TSHZ2: variants seen among roughly 807,000 people sequenced by gnomAD.
The protein encoded by TSHZ2 is teashirt homolog 2.
Under a neutral mutation model 74.4 loss-of-function variants are expected in TSHZ2, and 21 were observed. The ratio of observed to expected loss-of-function variants is 0.28; its 90% CI spans 0.20 to 0.41. The LOEUF (loss-of-function observed/expected upper bound fraction) is 0.41, where lower values mean the gene tolerates loss of function less well. TSHZ2 is among the 10% of genes least tolerant of loss of function. The pLI is 1.00. For synonymous variants in TSHZ2, 540 were observed against 515.3 expected, an observed-to-expected ratio of 1.05 and a Z score of -0.65; for missense variants, 1,244 against 1,293.5, an observed-to-expected ratio of 0.96 and a Z score of 0.59.
intron 2 of TSHZ2, among the ~76,000 whole-genome samples, chr20:53,328,122 C>T (rs200641): frequency 0.31 from 47,090 of 152,030 alleles, 8,581 homozygotes; most frequent in Non-Finnish European, 0.4. Context: ...CAATGGTGCT[C>T]ACCCTTAGAG....
chr20:53,186,311 C>T (rs148327363), intron 1 of TSHZ2, among the ~76,000 whole-genome samples: 1 of 152,294 alleles, frequency 6.6e-6, no homozygotes, highest in East Asian at 1.9e-4. Flanking sequence ...GATTTACCAG[C>T]TCACCAGTGG....
At chr20:53,189,157 T>C (rs187694643) in intron 1 of TSHZ2, among the ~76,000 whole-genome samples, 2 of 152,356 alleles carry the variant, frequency 1.3e-5, no homozygotes, top group Admixed American at 1.3e-4. Context: ...AAATTCAGAA[T>C]CTAGCAGAGT....
At chr20:53,409,048 C>A (rs1982948654) in intron 2 of TSHZ2, among the ~76,000 whole-genome samples, 1 of 152,158 alleles carries the variant, frequency 6.6e-6, no homozygotes. Flanking sequence ...ATCATCTGTA[C>A]ACTTACAACA....
At chr20:53,278,042 A>G (rs1357834611) in intron 2 of TSHZ2, among the ~76,000 whole-genome samples, 2 of 152,304 alleles carry the variant, frequency 1.3e-5, no homozygotes, top group South Asian at 2.1e-4. Flanking sequence ...CATAATTCAA[A>G]GCTCATATCA....
chr20:53,249,007 T>G (rs1990266005), intron 1 of TSHZ2, among the ~76,000 whole-genome samples: 1 of 133,684 alleles, frequency 7.5e-6, no homozygotes, highest in Non-Finnish European at 1.7e-5. Flanking sequence ...CTGGCTGATT[T>G]TCTTTTTTTT....
chr20:53,394,031 T>C (rs1982356218), intron 2 of TSHZ2, among the ~76,000 whole-genome samples: 1 of 152,206 alleles, frequency 6.6e-6, no homozygotes, highest in East Asian at 1.9e-4. Context: ...TCCAGGTCAA[T>C]CAGAAAATAA....
intron 1 of TSHZ2, among the ~76,000 whole-genome samples, chr20:53,138,347 G>A (rs1451363072): frequency 1.3e-5 from 2 of 150,928 alleles, no homozygotes; most frequent in Admixed American, 1.3e-4. Flanking sequence ...TCAAGCCGCT[G>A]CACTCCAGCC....
intron 2 of TSHZ2, among the ~76,000 whole-genome samples, chr20:53,287,012 G>C (rs1279935126): frequency 6.6e-6 from 1 of 152,106 alleles, no homozygotes; most frequent in East Asian, 1.9e-4. Context: ...TCATCTAGGG[G>C]ACAAGGAAGT....
chr20:53,213,573 CAGAGAGAGAGAAAGAG>C (rs1194031170), intron 1 of TSHZ2, among the ~76,000 whole-genome samples: 6 of 151,620 alleles, frequency 4.0e-5, no homozygotes, highest in Non-Finnish European at 7.4e-5. Flanking sequence ...ACACGAGAGA[CAGAGAGAGAGAAAGAG>C]AGAGAGAGAG....
chr20:53,099,195 C>T (rs560853284), intron 1 of TSHZ2, among the ~76,000 whole-genome samples: 2 of 152,244 alleles, frequency 1.3e-5, no homozygotes, highest in South Asian at 2.1e-4. Flanking sequence ...GTCCTTTGAG[C>T]GAGGGTCAGG....
intron 2 of TSHZ2, among the ~76,000 whole-genome samples, chr20:53,344,335 T>C (rs1185597140): frequency 6.6e-6 from 1 of 152,156 alleles, no homozygotes; most frequent in Non-Finnish European, 1.5e-5. Context: ...TTGAGGAAGG[T>C]CATATTGTTA....
At chr20:53,002,176 A>T (rs1041345109) in intron 1 of TSHZ2, among the ~76,000 whole-genome samples, 1 of 152,206 alleles carries the variant, frequency 6.6e-6, no homozygotes, top group African/African-American at 2.4e-5. Context: ...CAGTAAAGAG[A>T]CATAATGGTA....
chr20:53,137,240 T>C (rs1453718149), intron 1 of TSHZ2, among the ~76,000 whole-genome samples: 2 of 151,924 alleles, frequency 1.3e-5, no homozygotes, highest in East Asian at 3.9e-4. Flanking sequence ...ATTTTTCTTC[T>C]ATTAGCTATG....
chr20:53,024,364 C>G (rs1983358566), intron 1 of TSHZ2, among the ~76,000 whole-genome samples: 1 of 150,132 alleles, frequency 6.7e-6, no homozygotes, highest in Non-Finnish European at 1.5e-5. Flanking sequence ...TTATTTTGTG[C>G]CTTGGAACCA....
intron 1 of TSHZ2, among the ~76,000 whole-genome samples, chr20:53,251,023 G>A (rs1990317277): frequency 6.6e-6 from 1 of 152,102 alleles, no homozygotes; most frequent in Non-Finnish European, 1.5e-5. Flanking sequence ...CTTGCTAGAT[G>A]TCAGGCACGG....
chr20:53,156,175 T>G (rs1987789229), intron 1 of TSHZ2, among the ~76,000 whole-genome samples: 1 of 152,186 alleles, frequency 6.6e-6, no homozygotes, highest in South Asian at 2.1e-4. Context: ...ACTCTAAATT[T>G]CATCATGGTA....
chr20:53,188,472 A>G (rs551233192), intron 1 of TSHZ2, among the ~76,000 whole-genome samples: 87 of 152,334 alleles, frequency 5.7e-4, no homozygotes, highest in African/African-American at 2.0e-3. Context: ...TTTCTCTAGG[A>G]CAGAGAAGCT....
chr20:52,987,443 T>C (rs1365006351), intron 1 of TSHZ2, among the ~76,000 whole-genome samples: 3 of 151,980 alleles, frequency 2.0e-5, no homozygotes, highest in Admixed American at 1.3e-4. Context: ...CCTTTTTTTA[T>C]ACTCTTTCTC....
At chr20:53,118,513 A>T (rs1986729281) in intron 1 of TSHZ2, among the ~76,000 whole-genome samples, 1 of 152,120 alleles carries the variant, frequency 6.6e-6, no homozygotes, top group Non-Finnish European at 1.5e-5. Context: ...GGAAAATCTG[A>T]TCTTGGTCTG....
Sources: allele counts gnomAD v4.1 joint callset (sites outside exome capture counted in the v4.1 genomes callset), GRCh38; gene constraint gnomAD v4.1.1; transcripts MANE v1.5; gene names NCBI Gene and HGNC (gene_info 2026-07-23, HGNC 2026-07-21).